The following KAZN variants were observed in gnomAD, a reference collection of about 807,000 sequenced individuals.
KAZN encodes the protein kazrin, periplakin interacting protein.
Under a neutral mutation model 87.4 loss-of-function variants are expected in KAZN, and 40 were observed. The ratio of observed to expected loss-of-function variants is 0.46; its 90% CI spans 0.36 to 0.60. The LOEUF is 0.60. KAZN is among the 20% of genes least tolerant of loss of function. The pLI, the probability that KAZN is intolerant of heterozygous loss-of-function variation, is 0.00. For missense variants in KAZN, 898 were observed against 1,073.9 expected, an observed-to-expected ratio of 0.84 and a Z score of 2.29; for synonymous variants, 466 against 458.3, an observed-to-expected ratio of 1.02 and a Z score of -0.22.
At chr1:14,803,119 G>A (rs1198841248) in intron 1 of KAZN, among the ~76,000 whole-genome samples, 3 of 152,210 alleles carry the variant, frequency 2.0e-5, no homozygotes, top group African/African-American at 4.8e-5. Context: ...CATGGCTACC[G>A]TTTACTGAGG....
chr1:14,009,252 C>T (rs1640175442), intron 1 of KAZN, among the ~76,000 whole-genome samples: 1 of 152,210 alleles, frequency 6.6e-6, no homozygotes. Flanking sequence ...ATAAATAATA[C>T]TGCTATGAGC....
chr1:14,892,287 C>T (rs1307316396), intron 1 of KAZN, among the ~76,000 whole-genome samples: 2 of 152,172 alleles, frequency 1.3e-5, no homozygotes, highest in East Asian at 3.9e-4. Context: ...GGCTCGCCTC[C>T]AGCCATCTCT....
chr1:15,013,812 G>A (rs993338529), intron 2 of KAZN, among the ~76,000 whole-genome samples: 6 of 152,064 alleles, frequency 3.9e-5, no homozygotes, highest in Admixed American at 2.0e-4. Context: ...AGCTGATCAG[G>A]TGACTGAGGA....
chr1:14,854,598 C>T (rs114069881), intron 1 of KAZN, among the ~76,000 whole-genome samples: 5,270 of 152,228 alleles, frequency 0.035, 140 homozygotes, highest in Middle Eastern at 0.054. Context: ...GGAGCTAATG[C>T]ATTTCCATGA....
At chr1:14,666,105 C>T (rs147382505) in intron 1 of KAZN, among the ~76,000 whole-genome samples, 7 of 151,928 alleles carry the variant, frequency 4.6e-5, no homozygotes, top group South Asian at 2.1e-4. Flanking sequence ...TCTATAATGA[C>T]GGAGAGGGTC....
At chr1:15,112,329 ATGTGTGTGTGTGTGTG>A (rs58658629) in intron 13 of KAZN, 82 bp from the exon 14 acceptor site, 34,306 of 608,340 alleles carry the variant, frequency 0.056, 15 homozygotes, top group Middle Eastern at 0.069. Flanking sequence ...ATTGTCACCA[ATGTGTGTGTGTGTGTG>A]TGTGTGTGTG....
At chr1:14,677,199 A>G (rs1640279037) in intron 1 of KAZN, among the ~76,000 whole-genome samples, 1 of 152,220 alleles carries the variant, frequency 6.6e-6, no homozygotes, top group Admixed American at 6.5e-5. Context: ...GTTACAGGTT[A>G]CAGGGCTATT....
chr1:14,922,209 T>C (rs1466074779), intron 1 of KAZN, among the ~76,000 whole-genome samples: 1 of 152,196 alleles, frequency 6.6e-6, no homozygotes, highest in African/African-American at 2.4e-5. Flanking sequence ...TAAACCACAG[T>C]AGCCCCTGCT....
intron 1 of KAZN, among the ~76,000 whole-genome samples, chr1:14,810,606 T>C (rs1646377897): frequency 6.6e-6 from 1 of 152,064 alleles, no homozygotes; most frequent in Non-Finnish European, 1.5e-5. Flanking sequence ...CATTCAGTCT[T>C]GAAAATAAGG....
exon 1 of KAZN, chr1:13,893,299 C>T: frequency 5.4e-6 from 1 of 186,318 alleles, no homozygotes; most frequent in Non-Finnish European, 1.1e-5. Context: ...CCTGCCCCTT[C>T]CAGGTGACCC....
intron 2 of KAZN, among the ~76,000 whole-genome samples, chr1:14,461,229 G>A (rs2486771): frequency 0.55 from 83,227 of 151,928 alleles, 23,570 homozygotes; most frequent in African/African-American, 0.69. Flanking sequence ...GGAGGGTGAT[G>A]TGGTTTGGCT....
chr1:14,631,801 T>C (rs940576090), intron 1 of KAZN, among the ~76,000 whole-genome samples: 4 of 152,150 alleles, frequency 2.6e-5, no homozygotes, highest in African/African-American at 4.8e-5. Context: ...AGCTCTCGGG[T>C]GAAATGTACC....
chr1:14,057,346 G>A (rs933525758), intron 1 of KAZN, among the ~76,000 whole-genome samples: 3 of 152,014 alleles, frequency 2.0e-5, no homozygotes, highest in African/African-American at 7.2e-5. Context: ...TATTGGTCAG[G>A]CTGGTCTCGA....
chr1:13,930,578 T>TG (rs1241199473), intron 1 of KAZN, among the ~76,000 whole-genome samples: 2 of 152,190 alleles, frequency 1.3e-5, no homozygotes, highest in Non-Finnish European at 2.9e-5. Flanking sequence ...GTGCTAGGGC[T>TG]GGGGAAACAG....
intron 2 of KAZN, among the ~76,000 whole-genome samples, chr1:14,555,754 A>G (rs1216174116): frequency 6.6e-6 from 1 of 152,194 alleles, no homozygotes; most frequent in African/African-American, 2.4e-5. Flanking sequence ...TCCTGAGTCC[A>G]CCGTGCCTTA....
chr1:14,872,059 A>C (rs903789485), intron 1 of KAZN, among the ~76,000 whole-genome samples: 4 of 152,082 alleles, frequency 2.6e-5, no homozygotes, highest in African/African-American at 9.7e-5. Flanking sequence ...AAATTCCTGC[A>C]CTCCTGTATC....
At chr1:14,470,325 G>T (rs992456147) in intron 2 of KAZN, among the ~76,000 whole-genome samples, 3 of 152,178 alleles carry the variant, frequency 2.0e-5, no homozygotes, top group African/African-American at 7.2e-5. Flanking sequence ...AGCACTTGGG[G>T]ATAGCAACAA....
intron 2 of KAZN, among the ~76,000 whole-genome samples, chr1:14,367,774 G>A (rs1299807838): frequency 6.6e-6 from 1 of 152,186 alleles, no homozygotes. Flanking sequence ...ATGGCAGGAG[G>A]CAAGCAGGGG....
At chr1:14,180,366 A>G in intron 1 of KAZN, 1 of 1,409,408 alleles carries the variant, frequency 7.1e-7, no homozygotes, top group Non-Finnish European at 9.7e-7. Flanking sequence ...TCTCTTCAAA[A>G]TGGCTAGTCA....
Sources: gnomAD v4.1 joint callset for allele counts (sites outside exome capture counted in the v4.1 genomes callset) on GRCh38, gnomAD v4.1.1 for gene constraint, MANE v1.5 for transcripts, NCBI Gene and HGNC (gene_info 2026-07-23, HGNC 2026-07-21) for gene names.